The following CRPPA variants were observed in gnomAD, a reference collection of about 807,000 sequenced individuals.
CRPPA encodes CDP-L-ribitol pyrophosphorylase A, also known as D-ribitol-5-phosphate cytidylyltransferase.
Under a neutral mutation model 52.0 loss-of-function variants are expected in CRPPA, and 43 were observed. The ratio of observed to expected loss-of-function variants is 0.83; its 90% CI spans 0.65 to 1.07. CRPPA has a LOEUF of 1.07. Ranked by LOEUF, CRPPA falls within the 50% of genes least tolerant of loss-of-function variation. The pLI is 0.00. For synonymous variants in CRPPA, 250 were observed against 203.5 expected (o/e 1.23, Z -1.94); for missense variants, 629 against 551.7 (o/e 1.14, Z -1.40).
intron 2 of CRPPA, among the ~76,000 whole-genome samples, chr7:16,389,928 A>AAAAAAAAAAAAAAAAAAAATATAT: frequency 1.0e-4 from 3 of 29,760 alleles, no homozygotes; most frequent in African/African-American, 1.7e-4. Context: ...AAAAAAAAAA[A>AAAAAAAAAAAAAAAAAAAATATAT]ATATATATAT....
At chr7:16,250,040 A>T (rs1783401562) in intron 8 of CRPPA, among the ~76,000 whole-genome samples, 1 of 152,206 alleles carries the variant, frequency 6.6e-6, no homozygotes, top group African/African-American at 2.4e-5. Flanking sequence ...AATATAAAAG[A>T]CCTGGTACAG....
intron 4 of CRPPA, 26 bp from the exon 5 acceptor site, chr7:16,301,492 A>T (rs1453824297): frequency 6.3e-7 from 1 of 1,577,364 alleles, no homozygotes. Context: ...ACTTCATTAG[A>T]CTTAACAGAG....
intron 5 of CRPPA, among the ~76,000 whole-genome samples, chr7:16,286,950 C>A (rs1784464090): frequency 6.6e-6 from 1 of 152,082 alleles, no homozygotes; most frequent in African/African-American, 2.4e-5. Context: ...ATGCATTATG[C>A]ACCAAAAGAG....
At chr7:16,370,863 G>C (rs1786729251) in intron 3 of CRPPA, among the ~76,000 whole-genome samples, 1 of 152,104 alleles carries the variant, frequency 6.6e-6, no homozygotes, top group African/African-American at 2.4e-5. Flanking sequence ...CCTACCAACA[G>C]CCTTCCTGGA....
intron 3 of CRPPA, among the ~76,000 whole-genome samples, chr7:16,339,780 A>C (rs1166333350): frequency 2.0e-5 from 3 of 152,216 alleles, no homozygotes; most frequent in Non-Finnish European, 4.4e-5. Flanking sequence ...TCTATGCAGA[A>C]AATGTAAATG....
chr7:16,223,161 A>G (rs1315372241), intron 8 of CRPPA, among the ~76,000 whole-genome samples: 1 of 152,110 alleles, frequency 6.6e-6, no homozygotes, highest in East Asian at 1.9e-4. Context: ...GCATGGTGGC[A>G]TGCGCCTGTA....
intron 9 of CRPPA, among the ~76,000 whole-genome samples, chr7:16,092,203 A>G (rs1781851750): frequency 6.6e-6 from 1 of 151,036 alleles, no homozygotes. Context: ...GTACCGGTAT[A>G]GGGGGGAAAA....
At chr7:16,261,903 A>C (rs1283216299) in intron 6 of CRPPA, 1 of 152,102 alleles carries the variant, frequency 6.6e-6, no homozygotes, top group Non-Finnish European at 1.5e-5. Context: ...TACCAGAGAA[A>C]AATTTGGCTC....
intron 3 of CRPPA, among the ~76,000 whole-genome samples, chr7:16,311,546 T>C (rs1785034356): frequency 6.6e-6 from 1 of 152,148 alleles, no homozygotes; most frequent in Non-Finnish European, 1.5e-5. Flanking sequence ...ATCATCTTGA[T>C]GTACCACAGT....
rs537367544 is a variant in CRPPA, at chr7:16,395,252, T to C, written c.534+10809A>G. ...TCCACATGTCACTGTATGGAAATCA[T>C]TGATACAAATCATAAAATGTGGAAT... On this transcript the variant is annotated intron_variant, in intron 2 of 9. Coordinates refer to ENST00000407010, the MANE Select transcript of CRPPA (RefSeq NM_001101426.4). Among the ~76,000 whole-genome samples, 20 of 152,300 alleles carry C rather than the reference T, an allele frequency of 1.3e-4. No individual in the cohort carries two copies. The South Asian group carries it at 3.9e-3, about 30-fold the overall frequency.
chr7:16,272,383 A>G (rs1784110049), intron 6 of CRPPA, among the ~76,000 whole-genome samples: 1 of 152,228 alleles, frequency 6.6e-6, no homozygotes, highest in Admixed American at 6.5e-5. Context: ...AAACATACCC[A>G]ATCTTTTCCC....
At chr7:16,314,890 C>A (rs986750796) in intron 3 of CRPPA, among the ~76,000 whole-genome samples, 1 of 151,916 alleles carries the variant, frequency 6.6e-6, no homozygotes, top group Non-Finnish European at 1.5e-5. Context: ...GTCTGGTATT[C>A]CTGAAGCTTC....
chr7:16,170,238 A>G (rs1319115049), intron 9 of CRPPA, among the ~76,000 whole-genome samples: 2 of 152,204 alleles, frequency 1.3e-5, no homozygotes, highest in Non-Finnish European at 2.9e-5. Context: ...AACGATTACA[A>G]TTACACATAA....
intron 9 of CRPPA, among the ~76,000 whole-genome samples, chr7:16,173,394 TATTGCTACTCTCACCACTAC>T: frequency 6.6e-6 from 1 of 152,198 alleles, no homozygotes; most frequent in East Asian, 1.9e-4. Flanking sequence ...ATATGACAAG[TATTGCTACTCTCACCACTAC>T]ATTTAAGGTA....
At chr7:16,341,444 C>G (rs1335846847) in intron 3 of CRPPA, among the ~76,000 whole-genome samples, 3 of 152,086 alleles carry the variant, frequency 2.0e-5, no homozygotes, top group Non-Finnish European at 4.4e-5. Flanking sequence ...ACAATGTTGA[C>G]TTTTAATTGC....
At chr7:16,317,158 T>G (rs946991626) in intron 3 of CRPPA, among the ~76,000 whole-genome samples, 3 of 152,140 alleles carry the variant, frequency 2.0e-5, no homozygotes, top group Non-Finnish European at 4.4e-5. Context: ...GACACAGAAG[T>G]CAAATAGACT....
At chr7:16,192,957 G>A (rs1008343953) in intron 9 of CRPPA, among the ~76,000 whole-genome samples, 1 of 152,020 alleles carries the variant, frequency 6.6e-6, no homozygotes, top group Non-Finnish European at 1.5e-5. Flanking sequence ...TGAATCTGTA[G>A]CTTTACAAGT....
chr7:16,313,195 G>C (rs1785070259), intron 3 of CRPPA, among the ~76,000 whole-genome samples: 1 of 151,880 alleles, frequency 6.6e-6, no homozygotes, highest in Non-Finnish European at 1.5e-5. Flanking sequence ...ACCCACCTAA[G>C]TCTAGTACTT....
intron 2 of CRPPA, among the ~76,000 whole-genome samples, chr7:16,385,593 A>G (rs1787241180): frequency 6.6e-6 from 1 of 152,240 alleles, no homozygotes; most frequent in Non-Finnish European, 1.5e-5. Context: ...TTGCTAACAG[A>G]TTCATCTTAG....
Sources: gnomAD v4.1 joint callset for allele counts (sites outside exome capture counted in the v4.1 genomes callset) on GRCh38, gnomAD v4.1.1 for gene constraint, MANE v1.5 for transcripts, NCBI Gene and HGNC (gene_info 2026-07-23, HGNC 2026-07-21) for gene names.